The following SYNE1 variants were observed in gnomAD, a reference collection of about 807,000 sequenced individuals.
SYNE1 encodes the protein spectrin repeat containing nuclear envelope protein 1.
Under a neutral mutation model 1,111.0 loss-of-function variants are expected in SYNE1, and 616 were observed. The ratio of observed to expected loss-of-function variants is 0.55; its 90% CI spans 0.52 to 0.59. The LOEUF is 0.59. Among genes scored for constraint, SYNE1 ranks in the 20% least tolerant of loss-of-function variants. SYNE1 has a pLI of 0.00. For synonymous variants in SYNE1, 3,855 were observed against 3,825.8 expected (o/e 1.01, Z -0.28); for missense variants, 10,006 against 10,417.0 (o/e 0.96, Z 1.72).
At position 152,369,012 on chromosome 6, in the gene SYNE1, T is replaced by C. The variant is rs201760281; in HGVS notation, c.9767A>G (p.Gln3256Arg). ...ASKSFRHRVS[Q>R]LSSQYLALSN... ...TAGCGCTAGATACTGAGAAGACAGCTGCGACACTCTGTGCCTAAAGCTCTT... is the reference window on the plus strand; with the variant it reads ...TAGCGCTAGATACTGAGAAGACAGCCGCGACACTCTGTGCCTAAAGCTCTT... The change falls in exon 61 of 146, where the codon CAG (glutamine) becomes CGG (arginine). Residue 3256 changes from glutamine (Q) to arginine (R), a missense_variant. Physicochemically the swap from Gln to Arg is conservative, Grantham distance 43. Coordinates refer to ENST00000367255, the MANE Select transcript of SYNE1 (RefSeq NM_182961.4). 3 of 1,614,224 alleles carry C rather than the reference T, an allele frequency of 1.9e-6. No homozygotes were observed. The South Asian group carries it at 3.3e-5, about 18-fold the overall frequency.
At chr6:152,628,174 T>C (rs2099690020) in intron 3 of SYNE1, 91 bp downstream of exon 3, 2 of 1,418,088 alleles carry the variant, frequency 1.4e-6, no homozygotes, top group African/African-American at 1.4e-5. Context: ...TATAATTCCA[T>C]GAAATTGAGT....
chr6:152,315,896 A>G (rs1220819950), intron 87 of SYNE1: 1 of 152,236 alleles, frequency 6.6e-6, no homozygotes, highest in Non-Finnish European at 1.5e-5. Flanking sequence ...AAATGGAAAA[A>G]TGAGGCTTTG....
intron 46 of SYNE1, among the ~76,000 whole-genome samples, chr6:152,403,187 T>C (rs1429794122): frequency 6.6e-6 from 1 of 152,158 alleles, no homozygotes; most frequent in East Asian, 1.9e-4. Context: ...AACCTGAGCC[T>C]GGAGCCAGTG....
chr6:152,395,511 C>A lies in SYNE1; in HGVS notation c.7712+5G>T, dbSNP rs1039322554. ...TAAAGGACCTGTTCCATTTCTGGAC[C>A]ATACCTTGCAGCCAGCAGTTCTCCC... On this transcript the variant is annotated splice_donor_5th_base_variant and intron_variant, in intron 51 of 145. Transcript: ENST00000367255. 1.9e-6 allele frequency: 3 copies of A among 1,613,030 alleles called. No individual in the cohort carries two copies. The highest frequency in any genetic ancestry group is 2.5e-6 in the Non-Finnish European group (3 of 1,179,432).
Position 152,336,826 on chromosome 6 carries a change from C to T in SYNE1, c.12528+15G>A, listed in dbSNP as rs896281369. 4 of 1,611,552 alleles carry T rather than the reference C, an allele frequency of 2.5e-6. No individual in the cohort carries two copies. The highest frequency in any genetic ancestry group is 3.4e-6 in the Non-Finnish European group (4 of 1,180,008). ...TGGCCTCTTTTATCTCCCTTGGGGGCAAATTAATTCCCACCTTAACTTGTG... is the reference window on the plus strand; with the variant it reads ...TGGCCTCTTTTATCTCCCTTGGGGGTAAATTAATTCCCACCTTAACTTGTG... On this transcript the variant is annotated intron_variant, in intron 76 of 145. Coordinates refer to ENST00000367255, the MANE Select transcript of SYNE1 (RefSeq NM_182961.4).
At chr6:152,327,803 T>A (rs2096119354) in intron 78 of SYNE1, among the ~76,000 whole-genome samples, 1 of 152,160 alleles carries the variant, frequency 6.6e-6, no homozygotes, top group Non-Finnish European at 1.5e-5. Flanking sequence ...AGAATGAAAA[T>A]TTCTGCTAAC....
intron 39 of SYNE1, among the ~76,000 whole-genome samples, chr6:152,423,979 G>A (rs1195969222): frequency 1.3e-5 from 2 of 152,134 alleles, no homozygotes; most frequent in Non-Finnish European, 2.9e-5. Context: ...CTGTTTTGTT[G>A]TCTTCATAAT....
At chr6:152,211,468 T>C in intron 124 of SYNE1, 26 bp downstream of exon 124, 8 of 1,588,706 alleles carry the variant, frequency 5.0e-6, no homozygotes, top group Non-Finnish European at 5.2e-6. Context: ...GAACCTTTCT[T>C]TGTAATAATT....
At chr6:152,319,489 C>T (rs998909151) in intron 84 of SYNE1, among the ~76,000 whole-genome samples, 1 of 152,092 alleles carries the variant, frequency 6.6e-6, no homozygotes, top group Non-Finnish European at 1.5e-5. Flanking sequence ...TGTAACTTTC[C>T]GACTACAGCT....
chr6:152,243,355 G>C (rs1405322083), intron 106 of SYNE1, among the ~76,000 whole-genome samples: 2 of 152,200 alleles, frequency 1.3e-5, no homozygotes, highest in Admixed American at 6.5e-5. Context: ...TCAAACTTAA[G>C]AAGGCAATAT....
At chr6:152,185,589 G>A (rs1221206316) in intron 128 of SYNE1, among the ~76,000 whole-genome samples, 3 of 152,200 alleles carry the variant, frequency 2.0e-5, no homozygotes, top group Non-Finnish European at 4.4e-5. Context: ...TCAGACTGAA[G>A]TATTAATAAC....
intron 105 of SYNE1, 36 bp downstream of exon 105, chr6:152,249,125 G>T: frequency 1.5e-6 from 2 of 1,306,196 alleles, no homozygotes; most frequent in Non-Finnish European, 1.1e-6. Context: ...TCTCCTCTAT[G>T]CATTTTCTCT....
intron 47 of SYNE1, among the ~76,000 whole-genome samples, chr6:152,400,358 A>G (rs2097793955): frequency 6.6e-6 from 1 of 152,316 alleles, no homozygotes; most frequent in East Asian, 1.9e-4. Context: ...TTATCTATTA[A>G]TATGGATAGG....
chr6:152,368,273 T>C (rs1010301711), intron 61 of SYNE1: 16 of 152,508 alleles, frequency 1.0e-4, no homozygotes, highest in African/African-American at 2.7e-4. Context: ...AAGCTCAAGA[T>C]AGGTCTGCAA....
intron 3 of SYNE1, among the ~76,000 whole-genome samples, chr6:152,613,052 G>A (rs950101612): frequency 2.6e-5 from 4 of 152,094 alleles, no homozygotes; most frequent in Non-Finnish European, 5.9e-5. Flanking sequence ...TACTGAATGG[G>A]CAAAAACTGG....
At chr6:152,532,022 G>A (rs1485326537) in intron 4 of SYNE1, among the ~76,000 whole-genome samples, 1 of 152,074 alleles carries the variant, frequency 6.6e-6, no homozygotes, top group African/African-American at 2.4e-5. Context: ...ACCCAGAAGT[G>A]GAATTGCTGA....
chr6:152,159,025 C>T (rs1198874389), intron 131 of SYNE1, among the ~76,000 whole-genome samples: 15 of 152,174 alleles, frequency 9.9e-5, no homozygotes, highest in Admixed American at 9.8e-4. Flanking sequence ...AATCTCGGCT[C>T]ACTGCAACCT....
At chr6:152,192,314 G>GATCT (rs61553328) in intron 127 of SYNE1, among the ~76,000 whole-genome samples, 51,420 of 151,644 alleles carry the variant, frequency 0.34, 8,768 homozygotes, top group South Asian at 0.41. Context: ...TTTTCTGTCT[G>GATCT]GATGATCTCT....
intron 8 of SYNE1, among the ~76,000 whole-genome samples, chr6:152,507,009 C>T (rs1451777873): frequency 6.6e-6 from 1 of 152,124 alleles, no homozygotes; most frequent in Non-Finnish European, 1.5e-5. Flanking sequence ...ATCCTAAAAA[C>T]AATTTTATGA....
Sources: gnomAD v4.1 joint callset for allele counts (sites outside exome capture counted in the v4.1 genomes callset) on GRCh38, gnomAD v4.1.1 for gene constraint, MANE v1.5 for transcripts, NCBI Gene and HGNC (gene_info 2026-07-23, HGNC 2026-07-21) for gene names.